Variants in PDE10A observed in about 807,000 individuals in gnomAD.
The protein encoded by PDE10A is phosphodiesterase 10A.
PDE10A carries 39 observed loss-of-function variants against 97.7 expected under a neutral mutation model. That is an observed-to-expected ratio of 0.40 (90% CI 0.31 to 0.52). The LOEUF (loss-of-function observed/expected upper bound fraction) is 0.52. PDE10A is among the 20% of genes least tolerant of loss of function. The probability of loss-of-function intolerance (pLI) is 0.56; values close to 1 mark genes in which losing one functional copy is unlikely to be tolerated. For synonymous variants in PDE10A, 371 were observed against 376.8 expected, an observed-to-expected ratio of 0.98 and a Z score of 0.18; for missense variants, 731 against 1,047.8, an observed-to-expected ratio of 0.70 and a Z score of 4.17.
At chr6:165,817,979 G>A (rs1779465866) in intron 1 of PDE10A, among the ~76,000 whole-genome samples, 2 of 152,178 alleles carry the variant, frequency 1.3e-5, no homozygotes, top group African/African-American at 2.4e-5. Context: ...CCGTTGCAAG[G>A]CACTGACATT....
chr6:165,435,542 G>C (rs1789950220), intron 5 of PDE10A, among the ~76,000 whole-genome samples, 165 bp from the exon 6 acceptor site: 1 of 152,128 alleles, frequency 6.6e-6, no homozygotes, highest in Admixed American at 6.5e-5. Context: ...TACCTAAAGT[G>C]AAACTATCTC....
intron 1 of PDE10A, among the ~76,000 whole-genome samples, chr6:165,849,863 C>T (rs1780528858): frequency 6.6e-6 from 1 of 152,152 alleles, no homozygotes; most frequent in Non-Finnish European, 1.5e-5. Flanking sequence ...TCAAAAGTTG[C>T]ACAAGTGTTC....
intron 1 of PDE10A, among the ~76,000 whole-genome samples, chr6:165,794,558 G>T (rs990832696): frequency 4.0e-5 from 6 of 150,526 alleles, no homozygotes; most frequent in Admixed American, 3.3e-4. Context: ...CACTCACAAG[G>T]TCACTTACAC....
At chr6:165,874,113 C>T (rs920853908) in intron 1 of PDE10A, among the ~76,000 whole-genome samples, 1 of 152,200 alleles carries the variant, frequency 6.6e-6, no homozygotes. Context: ...ACAGCCAGAA[C>T]TGATCACTGC....
At chr6:165,897,773 C>G (rs1044915699) in intron 1 of PDE10A, among the ~76,000 whole-genome samples, 3 of 151,912 alleles carry the variant, frequency 2.0e-5, no homozygotes, top group Non-Finnish European at 2.9e-5. Context: ...CTTTTCTCCC[C>G]CAATGAGATG....
chr6:165,748,069 C>T (rs138123904), intron 1 of PDE10A, among the ~76,000 whole-genome samples: 10 of 152,274 alleles, frequency 6.6e-5, no homozygotes, highest in Admixed American at 6.5e-4. Flanking sequence ...CGATCCACCA[C>T]CTTCTAGGGA....
chr6:165,376,528 C>T (rs1258839247), intron 18 of PDE10A, among the ~76,000 whole-genome samples: 1 of 152,214 alleles, frequency 6.6e-6, no homozygotes, highest in East Asian at 1.9e-4. Flanking sequence ...AGGTGAAATG[C>T]TATCAAACAG....
intron 1 of PDE10A, among the ~76,000 whole-genome samples, chr6:165,937,503 T>C (rs1479284658): frequency 2.1e-4 from 32 of 152,224 alleles, no homozygotes; most frequent in Non-Finnish European, 1.5e-5. Flanking sequence ...CTGTTCTTAA[T>C]AGAACCTTTC....
chr6:165,684,747 G>A (rs1028258946), intron 1 of PDE10A, among the ~76,000 whole-genome samples: 2 of 152,218 alleles, frequency 1.3e-5, no homozygotes, highest in Admixed American at 1.3e-4. Flanking sequence ...AATGCATGCA[G>A]TTTGACTTTT....
At chr6:165,389,880 A>AT (rs547468432) in intron 16 of PDE10A, among the ~76,000 whole-genome samples, 159 of 152,350 alleles carry the variant, frequency 1.0e-3, no homozygotes, top group African/African-American at 3.7e-3. Flanking sequence ...TAAATACTTG[A>AT]TAAAAATTGA....
At chr6:165,643,014 G>A (rs983051631) in intron 1 of PDE10A, among the ~76,000 whole-genome samples, 4 of 152,050 alleles carry the variant, frequency 2.6e-5, no homozygotes, top group African/African-American at 9.7e-5. Flanking sequence ...CAACCTTCCT[G>A]GAAAGCCATT....
chr6:165,659,554 A>C (rs565723002), intron 1 of PDE10A, among the ~76,000 whole-genome samples: 1 of 152,182 alleles, frequency 6.6e-6, no homozygotes, highest in South Asian at 2.1e-4. Flanking sequence ...AGCTTGAGTG[A>C]AGTGGGTCTG....
chr6:165,804,751 C>T (rs1380794530), intron 1 of PDE10A, among the ~76,000 whole-genome samples: 1 of 151,186 alleles, frequency 6.6e-6, no homozygotes, highest in African/African-American at 2.4e-5. Context: ...GGGGTGAGCG[C>T]GGGGTCGGGG....
At chr6:165,758,642 G>C (rs1793180288) in intron 1 of PDE10A, among the ~76,000 whole-genome samples, 1 of 151,038 alleles carries the variant, frequency 6.6e-6, no homozygotes, top group African/African-American at 2.4e-5. Flanking sequence ...AGAAGAGGAA[G>C]AAGGAAGAGG....
intron 1 of PDE10A, among the ~76,000 whole-genome samples, chr6:165,974,244 G>A (rs1306067114): frequency 6.6e-6 from 1 of 152,136 alleles, no homozygotes; most frequent in Non-Finnish European, 1.5e-5. Context: ...AATGGTCATG[G>A]GCCTTCTACA....
rs192518318 is a variant in PDE10A at position 165,415,824 on chromosome 6, A to G, written c.1889+365T>C. On this transcript the variant is annotated intron_variant, in intron 12 of 21. Transcript: ENST00000539869. ...CATCTCAAAAGCATGCAAATTTCTT[A>G]CTATGTGTTGCAGCCTTTGAGCATA... 9.4e-4 allele frequency among the ~76,000 whole-genome samples: 143 copies of G among 152,202 alleles called. 1 individual carries two copies. Among genetic ancestry groups the G allele is most frequent in the African/African-American group, 3.4e-3 (141 of 41,452 alleles).
chr6:165,983,717 A>G (rs1785089939), intron 1 of PDE10A, among the ~76,000 whole-genome samples: 2 of 152,232 alleles, frequency 1.3e-5, no homozygotes, highest in Non-Finnish European at 2.9e-5. Flanking sequence ...CAACACCAAC[A>G]TATATACTTT....
intron 1 of PDE10A, among the ~76,000 whole-genome samples, chr6:165,869,545 C>G (rs190071028): frequency 8.5e-4 from 130 of 152,084 alleles, no homozygotes; most frequent in African/African-American, 3.0e-3. Flanking sequence ...AGATTTGATG[C>G]GTCCCCTATC....
intron 10 of PDE10A, among the ~76,000 whole-genome samples, chr6:165,428,225 G>C (rs767942874): frequency 2.0e-5 from 3 of 152,038 alleles, no homozygotes; most frequent in Non-Finnish European, 4.4e-5. Context: ...CAGTAGCATA[G>C]GGAAATATGC....
Sources: gnomAD v4.1 joint callset for allele counts (sites outside exome capture counted in the v4.1 genomes callset) on GRCh38, gnomAD v4.1.1 for gene constraint, MANE v1.5 for transcripts, NCBI Gene and HGNC (gene_info 2026-07-23, HGNC 2026-07-21) for gene names.